Variants in MEGF11 observed in about 807,000 individuals in gnomAD.
The protein encoded by MEGF11 is multiple EGF like domains 11.
MEGF11 carries 126 observed loss-of-function variants against 146.6 expected under a neutral mutation model. The ratio of observed to expected loss-of-function variants is 0.86; its 90% CI spans 0.74 to 1.00. The LOEUF is 1.00. Ranked by LOEUF, MEGF11 falls within the 50% of genes least tolerant of loss-of-function variation. The pLI is 0.00. For missense variants in MEGF11, 1,509 were observed against 1,521.2 expected (o/e 0.99, Z 0.13); for synonymous variants, 532 against 583.4 (o/e 0.91, Z 1.27).
chr15:65,914,537 A>C (rs529313645), intron 19 of MEGF11, among the ~76,000 whole-genome samples: 6 of 152,270 alleles, frequency 3.9e-5, no homozygotes, highest in African/African-American at 9.6e-5. Flanking sequence ...TGTTATTTCC[A>C]GGATGACTGC....
At chr15:66,229,101 G>A (rs1400623550) in intron 1 of MEGF11, among the ~76,000 whole-genome samples, 1 of 152,102 alleles carries the variant, frequency 6.6e-6, no homozygotes, top group East Asian at 1.9e-4. Flanking sequence ...CCCGGCTTGT[G>A]TTCACCACTT....
intron 5 of MEGF11, among the ~76,000 whole-genome samples, chr15:66,065,988 A>G (rs2085108127): frequency 6.6e-6 from 1 of 152,204 alleles, no homozygotes; most frequent in Non-Finnish European, 1.5e-5. Context: ...AGGCACCCCA[A>G]GTTAACAGGA....
chr15:65,921,628 GGTT>G (rs2079173823), intron 15 of MEGF11: 1 of 152,310 alleles, frequency 6.6e-6, no homozygotes, highest in African/African-American at 2.4e-5. Flanking sequence ...CCTTCTCACT[GGTT>G]GTTCAATATT....
chr15:66,218,500 T>C (rs1424232802), intron 1 of MEGF11, among the ~76,000 whole-genome samples: 1 of 152,212 alleles, frequency 6.6e-6, no homozygotes, highest in African/African-American at 2.4e-5. Flanking sequence ...TTGATCCCTG[T>C]GGCACCTAGC....
At chr15:66,116,466 T>C (rs2087735311) in intron 4 of MEGF11, among the ~76,000 whole-genome samples, 1 of 152,200 alleles carries the variant, frequency 6.6e-6, no homozygotes, top group Non-Finnish European at 1.5e-5. Flanking sequence ...CTCCTTTGAC[T>C]AGGCTGGAAA....
intron 18 of MEGF11, 111 bp from the exon 19 acceptor site, chr15:65,915,709 C>T: frequency 7.3e-7 from 1 of 1,371,678 alleles, no homozygotes. Flanking sequence ...TGAGTGAAGC[C>T]TATTCCCTTA....
intron 1 of MEGF11, among the ~76,000 whole-genome samples, chr15:66,225,710 G>A (rs904079241): frequency 4.6e-5 from 7 of 151,944 alleles, no homozygotes; most frequent in African/African-American, 1.7e-4. Context: ...ACAACCCCAT[G>A]CACTCACACA....
At chr15:65,997,160 A>G (rs1246695753) in intron 5 of MEGF11, among the ~76,000 whole-genome samples, 2 of 152,248 alleles carry the variant, frequency 1.3e-5, no homozygotes, top group Non-Finnish European at 2.9e-5. Context: ...CTGCTGGACA[A>G]TGACCCCTGG....
At position 65,905,806 on chromosome 15, in the gene MEGF11, C is replaced by T. The variant is rs191532299; in HGVS notation, c.3055+279G>A. On this transcript the variant is annotated intron_variant, in intron 24 of 25. Transcript: ENST00000395614. ...CGTACTAATTGGTTGGATAATGACG[C>T]TTTACATTTCCGAAGACATTTAGTT... 5 of 335,298 alleles carry T rather than the reference C, an allele frequency of 1.5e-5. No individual in the cohort carries two copies. The East Asian group carries it at 2.5e-4, about 17-fold the overall frequency. The allele number at this position is 335,298 out of a possible 1,614,324, so 20.8% of individuals were successfully genotyped here.
intron 1 of MEGF11, among the ~76,000 whole-genome samples, chr15:66,169,432 CAGTG>C (rs1250282788): frequency 6.6e-6 from 1 of 152,220 alleles, no homozygotes; most frequent in African/African-American, 2.4e-5. Flanking sequence ...TCCTGACACT[CAGTG>C]AGGGAGAACA....
intron 5 of MEGF11, among the ~76,000 whole-genome samples, chr15:66,081,664 C>T (rs927494394): frequency 3.3e-5 from 5 of 152,238 alleles, no homozygotes; most frequent in Non-Finnish European, 5.9e-5. Flanking sequence ...CAGGTATGAG[C>T]GACTGCGCCT....
intron 5 of MEGF11, among the ~76,000 whole-genome samples, chr15:66,021,371 A>G (rs577569029): frequency 1.6e-3 from 248 of 152,376 alleles, no homozygotes; most frequent in African/African-American, 5.7e-3. Context: ...AGTATCTTTT[A>G]TATGTATGAG....
intron 5 of MEGF11, among the ~76,000 whole-genome samples, chr15:65,988,702 T>A (rs1859196597): frequency 6.6e-6 from 1 of 152,262 alleles, no homozygotes; most frequent in Non-Finnish European, 1.5e-5. Context: ...CTTTTCTGCC[T>A]TCACTACTGT....
intron 5 of MEGF11, among the ~76,000 whole-genome samples, chr15:66,083,873 T>C (rs1235058188): frequency 6.6e-6 from 1 of 152,214 alleles, no homozygotes; most frequent in Admixed American, 6.5e-5. Context: ...GCTATGATTG[T>C]GCCACTGCCC....
At chr15:65,923,839 A>G (rs1452115652) in intron 13 of MEGF11, among the ~76,000 whole-genome samples, 2 of 152,152 alleles carry the variant, frequency 1.3e-5, no homozygotes, top group Admixed American at 1.3e-4. Context: ...GAAGGTGAAG[A>G]AGGAATTTTA....
intron 23 of MEGF11, among the ~76,000 whole-genome samples, chr15:65,907,523 G>C (rs113401607): frequency 0.13 from 19,943 of 152,108 alleles, 1,589 homozygotes; most frequent in Non-Finnish European, 0.18. Flanking sequence ...TTGAACTCCT[G>C]ACGTCACGTG....
In MEGF11 at chr15:66,039,796, C is replaced by T. The variant is rs373274138; in HGVS notation, c.394+54606G>A. Among the ~76,000 whole-genome samples the T allele has an allele frequency of 8.3e-3, 1,066 of 127,892 alleles. 10 individuals carry two copies. Among genetic ancestry groups the T allele is most frequent in the South Asian group, 0.016 (49 of 3,136 alleles). The allele number at this position is 127,892 out of a possible 152,430, so 83.9% of individuals were successfully genotyped here. ...GGTGACGGTCCTGAGCCGGGTCAGG[C>T]GGCGGTGGGGTGACGGTCCTGAGCC... On this transcript the variant is annotated intron_variant, in intron 5 of 25. Transcript: ENST00000395614.
At chr15:66,137,697 G>A (rs965704795) in intron 1 of MEGF11, among the ~76,000 whole-genome samples, 11 of 151,756 alleles carry the variant, frequency 7.2e-5, no homozygotes, top group Non-Finnish European at 1.6e-4. Context: ...GGGACCACAG[G>A]TTCACACTAC....
intron 5 of MEGF11, among the ~76,000 whole-genome samples, chr15:66,054,840 G>A (rs980072885): frequency 2.6e-5 from 4 of 152,162 alleles, no homozygotes; most frequent in Non-Finnish European, 5.9e-5. Flanking sequence ...AAGATTAAAG[G>A]TGGAAACGAA....
Sources: gnomAD v4.1 joint callset for allele counts (sites outside exome capture counted in the v4.1 genomes callset) on GRCh38, gnomAD v4.1.1 for gene constraint, MANE v1.5 for transcripts, NCBI Gene and HGNC (gene_info 2026-07-23, HGNC 2026-07-21) for gene names.